ST8SIA2: variants seen among roughly 807,000 people sequenced by gnomAD.
ST8SIA2 encodes ST8 alpha-N-acetyl-neuraminide alpha-2,8-sialyltransferase 2, also known as alpha-2,8-sialyltransferase 8B.
ST8SIA2 carries 22 observed loss-of-function variants against 37.6 expected under a neutral mutation model. That is an observed-to-expected ratio of 0.58 (90% CI 0.42 to 0.83). The LOEUF is 0.83. Among genes scored for constraint, ST8SIA2 ranks in the 40% least tolerant of loss-of-function variants. ST8SIA2 has a pLI of 0.00. For missense variants in ST8SIA2, 382 were observed against 484.7 expected, an observed-to-expected ratio of 0.79 and a Z score of 1.99; for synonymous variants, 205 against 201.2, an observed-to-expected ratio of 1.02 and a Z score of -0.16.
At chr15:92,428,940 CAT>C (rs1287800374) in intron 1 of ST8SIA2, among the ~76,000 whole-genome samples, 2 of 152,178 alleles carry the variant, frequency 1.3e-5, no homozygotes, top group Admixed American at 1.3e-4. Flanking sequence ...CATGCACACA[CAT>C]GTGTGTGCAC....
chr15:92,415,738 A>C (rs549548914), intron 1 of ST8SIA2, among the ~76,000 whole-genome samples: 2 of 152,284 alleles, frequency 1.3e-5, no homozygotes, highest in Admixed American at 6.5e-5. Context: ...AAGGTCGAAC[A>C]TGCAAGCCCC....
chr15:92,438,882 G>C (rs1303550690), intron 4 of ST8SIA2, among the ~76,000 whole-genome samples: 1 of 152,158 alleles, frequency 6.6e-6, no homozygotes, highest in Non-Finnish European at 1.5e-5. Flanking sequence ...CTGATTTACA[G>C]CCAAGGTTGA....
At chr15:92,412,990 T>C (rs2049560594) in intron 1 of ST8SIA2, among the ~76,000 whole-genome samples, 1 of 151,638 alleles carries the variant, frequency 6.6e-6, no homozygotes, top group African/African-American at 2.4e-5. Context: ...CATTGCCCAG[T>C]AATGGGTAGG....
chr15:92,434,070 C>T (rs937363992), intron 2 of ST8SIA2, among the ~76,000 whole-genome samples, 177 bp from the exon 3 acceptor site: 1 of 152,132 alleles, frequency 6.6e-6, no homozygotes, highest in Non-Finnish European at 1.5e-5. Flanking sequence ...ACCTTAGGGA[C>T]AGAGTTTCTG....
intron 4 of ST8SIA2, among the ~76,000 whole-genome samples, chr15:92,442,661 C>T (rs2049811797): frequency 6.6e-6 from 1 of 152,132 alleles, no homozygotes; most frequent in Non-Finnish European, 1.5e-5. Context: ...CTGAGCAGCC[C>T]CACACTGGCT....
chr15:92,412,616 T>C (rs1201094809), intron 1 of ST8SIA2, among the ~76,000 whole-genome samples: 1 of 152,206 alleles, frequency 6.6e-6, no homozygotes, highest in Non-Finnish European at 1.5e-5. Context: ...CCATGCAGTC[T>C]GGTATGCACC....
chr15:92,436,821 C>T (rs191773450), intron 3 of ST8SIA2, among the ~76,000 whole-genome samples: 4 of 152,112 alleles, frequency 2.6e-5, no homozygotes, highest in African/African-American at 4.8e-5. Context: ...TGAGACGCGC[C>T]GAGCTTACCA....
At chr15:92,423,120 T>C (rs1190966993) in intron 1 of ST8SIA2, among the ~76,000 whole-genome samples, 1 of 152,218 alleles carries the variant, frequency 6.6e-6, no homozygotes, top group Middle Eastern at 3.2e-3. Context: ...AGGAAGTAGA[T>C]AGTAGTTATG....
At chr15:92,459,099 G>A (rs1376687910) in intron 5 of ST8SIA2, among the ~76,000 whole-genome samples, 37 of 152,302 alleles carry the variant, frequency 2.4e-4, no homozygotes, top group Middle Eastern at 3.4e-3. Context: ...CCACTTGGAC[G>A]TTTCATCGCT....
rs1333778923 is a variant in ST8SIA2 at position 92,393,935 on chromosome 15, G to C, written c.-130G>C. 2 of 377,678 alleles carry C rather than the reference G, an allele frequency of 5.3e-6. No individual in the cohort carries two copies. Among genetic ancestry groups the C allele is most frequent in the Non-Finnish European group, 4.2e-6 (1 of 239,014 alleles). 23.4% of individuals were successfully genotyped at this position (377,678 alleles called of 1,614,324 possible). Reference sequence around the variant, plus strand: ...CGCTGCCGCTGCCGCCGCCGGCCCGGACTCGTCCGGAGCGCAGGGTGTCTG... The same window carrying C: ...CGCTGCCGCTGCCGCCGCCGGCCCGCACTCGTCCGGAGCGCAGGGTGTCTG... On this transcript the variant is annotated 5_prime_UTR_variant, in exon 1 of 6. Coordinates refer to ENST00000268164, the MANE Select transcript of ST8SIA2 (RefSeq NM_006011.4).
rs753503840 is a variant in ST8SIA2 at position 92,434,228 on chromosome 15, CT to C, written c.162-10del. 69 of 1,605,982 alleles carry C rather than the reference CT, an allele frequency of 4.3e-5. No individual in the cohort carries two copies. Among genetic ancestry groups the C allele is most frequent in the Admixed American group, 5.0e-5 (3 of 59,790 alleles). The stretch of plus-strand genomic sequence containing the variant: ...CTAACACATCATGTCTACCCTCTTT[CT>C]TTTTTTTTCCCTTCCAGAGCTGAAG... On this transcript the variant is annotated intron_variant, in intron 2 of 5. Coordinates refer to ENST00000268164, the MANE Select transcript of ST8SIA2 (RefSeq NM_006011.4).
Position 92,438,343 on chromosome 15 carries a change from G to A in ST8SIA2, c.291-10G>A, listed in dbSNP as rs372229167. 1.2e-6 allele frequency: 2 copies of A among 1,614,062 alleles called. No individual in the cohort carries two copies. Among genetic ancestry groups the A allele is most frequent in the Admixed American group, 1.7e-5 (1 of 60,006 alleles). ...TGGAGAATTTCCTCACGCATGTTTG[G>A]TTTTCACAGGAAGCAGATTTTAAAG... is the stretch of plus-strand genomic sequence containing the variant. On this transcript the variant is annotated splice_polypyrimidine_tract_variant and intron_variant, in intron 3 of 5. Transcript: ENST00000268164.
chr15:92,457,714 T>C (rs1288557692), intron 5 of ST8SIA2, among the ~76,000 whole-genome samples: 2 of 152,230 alleles, frequency 1.3e-5, no homozygotes, highest in Admixed American at 6.5e-5. Context: ...GATTTGTTCC[T>C]GTATAACTCA....
At chr15:92,398,136 AAAAAGAAAAAAG>A (rs1469986641) in intron 1 of ST8SIA2, among the ~76,000 whole-genome samples, 2 of 152,230 alleles carry the variant, frequency 1.3e-5, no homozygotes, top group African/African-American at 2.4e-5. Context: ...TCCATCTCAA[AAAAAGAAAAAAG>A]AAAAGAAAAA....
chr15:92,415,578 C>T (rs934017968), intron 1 of ST8SIA2, among the ~76,000 whole-genome samples: 2 of 151,904 alleles, frequency 1.3e-5, no homozygotes, highest in East Asian at 1.9e-4. Flanking sequence ...ACCCCGCCCC[C>T]ACAACAAGAG....
chr15:92,453,930 G>A (rs946727090), intron 5 of ST8SIA2, among the ~76,000 whole-genome samples: 1 of 152,164 alleles, frequency 6.6e-6, no homozygotes, highest in Non-Finnish European at 1.5e-5. Context: ...CGGACGCTGG[G>A]AAGAATATTC....
intron 1 of ST8SIA2, among the ~76,000 whole-genome samples, chr15:92,402,913 G>C (rs2049482131): frequency 6.6e-6 from 1 of 152,066 alleles, no homozygotes; most frequent in Admixed American, 6.6e-5. Context: ...AATGATCAAG[G>C]CCTGGAGGAA....
At chr15:92,443,189 GTCTCCAGC>G in intron 4 of ST8SIA2, among the ~76,000 whole-genome samples, 1 of 152,160 alleles carries the variant, frequency 6.6e-6, no homozygotes, top group African/African-American at 2.4e-5. Flanking sequence ...TTGTCTTCAT[GTCTCCAGC>G]CTCTATTTTT....
intron 1 of ST8SIA2, among the ~76,000 whole-genome samples, chr15:92,401,911 GA>G (rs35704397): frequency 0.35 from 49,335 of 140,490 alleles, 8,671 homozygotes; most frequent in Middle Eastern, 0.45. Context: ...AAAGGAGCCA[GA>G]AAAAAAAAAA....
Sources: gnomAD v4.1 joint callset for allele counts (sites outside exome capture counted in the v4.1 genomes callset) on GRCh38, gnomAD v4.1.1 for gene constraint, MANE v1.5 for transcripts, NCBI Gene and HGNC (gene_info 2026-07-23, HGNC 2026-07-21) for gene names.